The following LRP1B variants were observed in gnomAD, a reference collection of about 807,000 sequenced individuals.
The protein encoded by LRP1B is LDL receptor related protein 1B.
In LRP1B, 217 loss-of-function variants were observed where a neutral mutation model predicts 556.6. That is an observed-to-expected ratio of 0.39 (90% CI 0.35 to 0.44). The LOEUF (loss-of-function observed/expected upper bound fraction) is 0.44, where lower values mean the gene tolerates loss of function less well. LRP1B is among the 20% of genes least tolerant of loss of function. LRP1B has a pLI of 1.00. For synonymous variants in LRP1B, 2,047 were observed against 1,865.8 expected, an observed-to-expected ratio of 1.10 and a Z score of -2.50; for missense variants, 5,053 against 5,620.8, an observed-to-expected ratio of 0.90 and a Z score of 3.23.
chr2:141,017,585 TATTTA>T (rs1375590616), intron 12 of LRP1B, among the ~76,000 whole-genome samples: 1 of 151,944 alleles, frequency 6.6e-6, no homozygotes, highest in Non-Finnish European at 1.5e-5. Flanking sequence ...AAATTATTTT[TATTTA>T]AACAAAATAT....
intron 18 of LRP1B, among the ~76,000 whole-genome samples, chr2:140,980,566 G>A (rs1696736508): frequency 6.6e-6 from 1 of 152,044 alleles, no homozygotes; most frequent in Non-Finnish European, 1.5e-5. Context: ...TTATTCAGAG[G>A]TTATATACTC....
intron 1 of LRP1B, among the ~76,000 whole-genome samples, chr2:141,892,003 A>G (rs1699307998): frequency 6.6e-6 from 1 of 152,090 alleles, no homozygotes; most frequent in Admixed American, 6.6e-5. Flanking sequence ...TTATCATTCT[A>G]AAAAATGTTA....
intron 2 of LRP1B, among the ~76,000 whole-genome samples, chr2:141,513,383 A>T (rs1196434304): frequency 6.6e-6 from 1 of 152,094 alleles, no homozygotes; most frequent in Non-Finnish European, 1.5e-5. Context: ...ACTGTGAAAG[A>T]TAAAATGTTA....
chr2:140,878,199 T>C (rs2105176421), intron 25 of LRP1B, among the ~76,000 whole-genome samples: 1 of 152,260 alleles, frequency 6.6e-6, no homozygotes, highest in East Asian at 1.9e-4. Flanking sequence ...TTGTGTACTT[T>C]AATATTTCTG....
chr2:140,634,704 A>T (rs1304457005), intron 41 of LRP1B, among the ~76,000 whole-genome samples: 6 of 152,086 alleles, frequency 3.9e-5, no homozygotes, highest in African/African-American at 1.4e-4. Flanking sequence ...CCCTAGTCTT[A>T]GCATGAGAAA....
chr2:141,130,301 A>G (rs1574105214), intron 7 of LRP1B, among the ~76,000 whole-genome samples: 1 of 152,102 alleles, frequency 6.6e-6, no homozygotes. Flanking sequence ...ACAGGCAAAT[A>G]CAAGTTACTG....
intron 18 of LRP1B, among the ~76,000 whole-genome samples, chr2:140,963,787 T>C (rs995244121): frequency 2.0e-5 from 3 of 152,062 alleles, no homozygotes; most frequent in South Asian, 4.1e-4. Flanking sequence ...TAAAAACTCG[T>C]CTCTATTAAA....
intron 53 of LRP1B, among the ~76,000 whole-genome samples, chr2:140,503,993 GCT>G (rs1558927878): frequency 6.6e-6 from 1 of 151,816 alleles, no homozygotes; most frequent in African/African-American, 2.4e-5. Flanking sequence ...GTATTTCTTC[GCT>G]CTCTCTCCTC....
chr2:141,266,051 G>A (rs971802803), intron 3 of LRP1B, among the ~76,000 whole-genome samples: 2 of 152,068 alleles, frequency 1.3e-5, no homozygotes, highest in African/African-American at 4.8e-5. Context: ...CTGGCCAGGC[G>A]CGGTGGCTCA....
chr2:141,804,264 A>T (rs1055749616), intron 2 of LRP1B, among the ~76,000 whole-genome samples: 1 of 152,150 alleles, frequency 6.6e-6, no homozygotes, highest in African/African-American at 2.4e-5. Flanking sequence ...ACAAGAGCTA[A>T]CATAGAAGGG....
chr2:141,550,648 T>G (rs997272222), intron 2 of LRP1B, among the ~76,000 whole-genome samples: 2 of 152,162 alleles, frequency 1.3e-5, no homozygotes, highest in African/African-American at 4.8e-5. Context: ...ATTTTCTTAA[T>G]AGACATCCCA....
intron 41 of LRP1B, chr2:140,683,937 G>T: frequency 2.4e-6 from 1 of 410,456 alleles, no homozygotes; most frequent in East Asian, 4.6e-5. Context: ...GATGTTGTGG[G>T]CTACGTGACG....
intron 1 of LRP1B, among the ~76,000 whole-genome samples, chr2:142,086,870 TGTC>T (rs1395660354): frequency 6.6e-6 from 1 of 152,190 alleles, no homozygotes; most frequent in African/African-American, 2.4e-5. Flanking sequence ...AAAATCTCAT[TGTC>T]ATCACGAAAG....
At chr2:142,029,727 A>G (rs532192238) in intron 1 of LRP1B, among the ~76,000 whole-genome samples, 1 of 151,912 alleles carries the variant, frequency 6.6e-6, no homozygotes. Context: ...AGCCCATCAT[A>G]TTTATCTTCA....
At chr2:141,001,767 A>G (rs779718115) in intron 15 of LRP1B, among the ~76,000 whole-genome samples, 2 of 151,942 alleles carry the variant, frequency 1.3e-5, no homozygotes, top group Non-Finnish European at 2.9e-5. Flanking sequence ...CCTGAAAGCT[A>G]CTCTGTGTGT....
chr2:140,569,519 T>C lies in LRP1B; in HGVS notation c.7195-27548A>G, dbSNP rs1190531456. Among the ~76,000 whole-genome samples the C allele has an allele frequency of 2.0e-5, 3 of 151,886 alleles. No homozygotes were observed. In the East Asian group the frequency reaches 5.8e-4, roughly 29 times the overall value. On this transcript the variant is annotated intron_variant, in intron 43 of 90. Transcript: ENST00000389484. Reference sequence around the variant, plus strand: ...GATGGAATAATTGTAAATAATTATATATACACCCAACATTAGAGCACACAA... The same window carrying C: ...GATGGAATAATTGTAAATAATTATACATACACCCAACATTAGAGCACACAA...
At chr2:141,826,533 G>A (rs981580722) in intron 1 of LRP1B, among the ~76,000 whole-genome samples, 13 of 151,880 alleles carry the variant, frequency 8.6e-5, no homozygotes, top group African/African-American at 2.4e-4. Context: ...CTAACTTTTT[G>A]TATTTTCAGT....
At chr2:141,903,373 G>A (rs1241299691) in intron 1 of LRP1B, among the ~76,000 whole-genome samples, 1 of 151,818 alleles carries the variant, frequency 6.6e-6, no homozygotes, top group African/African-American at 2.4e-5. Context: ...CAGCTCTGAG[G>A]TCCATGTCTA....
In LRP1B at chr2:141,977,742, C is replaced by T. The variant is rs141150122; in HGVS notation, c.82+152906G>A. On this transcript the variant is annotated intron_variant, in intron 1 of 90. Transcript: ENST00000389484. ...TCAAAAAGTAACTGTAACTTGAATG[C>T]TGACAAGAAAAACAAAGAATAGTTT... Among the ~76,000 whole-genome samples, 485 of 152,126 alleles carry T rather than the reference C, an allele frequency of 3.2e-3. 2 individuals carry two copies. Among genetic ancestry groups the T allele is most frequent in the African/African-American group, 0.011 (461 of 41,496 alleles).
Sources: allele counts gnomAD v4.1 joint callset (sites outside exome capture counted in the v4.1 genomes callset), GRCh38; gene constraint gnomAD v4.1.1; transcripts MANE v1.5; gene names NCBI Gene and HGNC (gene_info 2026-07-23, HGNC 2026-07-21).